The following NIBAN2 variants were observed in gnomAD, a reference collection of about 807,000 sequenced individuals.
NIBAN2 encodes the protein niban apoptosis regulator 2.
A neutral mutation model predicts 81.8 loss-of-function variants in NIBAN2; 36 were observed. The ratio of observed to expected loss-of-function variants is 0.44; its 90% CI spans 0.34 to 0.58. The LOEUF (loss-of-function observed/expected upper bound fraction) is 0.58. Among genes scored for constraint, NIBAN2 ranks in the 20% least tolerant of loss-of-function variants. The pLI, the probability that NIBAN2 is intolerant of heterozygous loss-of-function variation, is 0.02. For synonymous variants in NIBAN2, 445 were observed against 441.6 expected, an observed-to-expected ratio of 1.01 and a Z score of -0.10; for missense variants, 897 against 1,014.1, an observed-to-expected ratio of 0.88 and a Z score of 1.57.
rs780246456 is a variant in NIBAN2, at chr9:127,531,682, G to C, written c.152C>G (p.Thr51Arg). ...FNSMRHEIEGTGLPQAQLLWR... is the reference protein window; with the variant it reads ...FNSMRHEIEGRGLPQAQLLWR... The stretch of plus-strand genomic sequence containing the variant: ...GAGCAGCTGGGCCTGCGGCAGCCCC[G>C]TGCCCTCAATCTCATGGCGCATGCT... Residue 51 changes from threonine (T) to arginine (R), a missense_variant, in exon 2 of 14, where the codon ACG becomes AGG. By Grantham distance (71) the Thr-to-Arg change is moderately conservative (BLOSUM62 -1). Transcript: ENST00000373312. The C allele has an allele frequency of 6.2e-7, 1 of 1,613,652 alleles. No individual in the cohort carries two copies. The highest frequency in any genetic ancestry group is 8.5e-7 in the Non-Finnish European group (1 of 1,180,004).
intron 1 of NIBAN2, among the ~76,000 whole-genome samples, chr9:127,578,384 A>T (rs1366400105): frequency 2.0e-5 from 3 of 146,952 alleles, no homozygotes; most frequent in Non-Finnish European, 4.5e-5. Context: ...AAAAGTGGCC[A>T]GGCGCCATGG....
At chr9:127,533,598 C>T (rs1201113622) in intron 1 of NIBAN2, among the ~76,000 whole-genome samples, 1 of 152,238 alleles carries the variant, frequency 6.6e-6, no homozygotes, top group Non-Finnish European at 1.5e-5. Context: ...CGTGCAACTG[C>T]ACTCCAGCCT....
chr9:127,568,932 C>T lies in NIBAN2; in HGVS notation c.-58G>A. ...CGCCGCCGCTGTTGCCCGCGCTGCT[C>T]AGGCGGACGCCGCTGGCGCCATGGA... On this transcript the variant is annotated 5_prime_UTR_variant, in exon 1 of 14. It removes the in-frame stop codon of an upstream open reading frame in the 5' UTR. Transcript: ENST00000373312. The T allele has an allele frequency of 8.2e-7, 1 of 1,212,150 alleles. No individual in the cohort carries two copies. Among genetic ancestry groups the T allele is most frequent in the Non-Finnish European group, 1.0e-6 (1 of 976,636 alleles). The allele number at this position is 1,212,150 out of a possible 1,614,324, so 75.1% of individuals were successfully genotyped here. A position where few individuals can be genotyped will look rare whatever the true frequency, so the allele number is the denominator to read the frequency against.
intron 1 of NIBAN2, among the ~76,000 whole-genome samples, chr9:127,548,826 G>A (rs1177249406): frequency 1.3e-5 from 2 of 152,132 alleles, no homozygotes; most frequent in African/African-American, 2.4e-5. Context: ...GAAAACAGAC[G>A]CTGGGGAAGT....
intron 8 of NIBAN2, among the ~76,000 whole-genome samples, chr9:127,512,932 G>A (rs746349299): frequency 2.4e-4 from 37 of 152,144 alleles, no homozygotes; most frequent in Non-Finnish European, 8.8e-5. Flanking sequence ...GTTTGTTGCG[G>A]CTCTGTTCAC....
At chr9:127,528,781 CCT>C (rs1837124825) in intron 2 of NIBAN2, among the ~76,000 whole-genome samples, 1 of 152,262 alleles carries the variant, frequency 6.6e-6, no homozygotes, top group Non-Finnish European at 1.5e-5. Flanking sequence ...AGCTCAAATC[CCT>C]GTCTTTTCTA....
chr9:127,561,633 T>C (rs1054490883), intron 1 of NIBAN2, among the ~76,000 whole-genome samples: 2 of 152,228 alleles, frequency 1.3e-5, no homozygotes, highest in Non-Finnish European at 2.9e-5. Flanking sequence ...GCTCCCTGCT[T>C]CTTCAGGCTT....
In NIBAN2 at chr9:127,556,456, G is replaced by GCATTCATT. The variant is rs34149772; in HGVS notation, c.55+12356_55+12363dup. The stretch of plus-strand genomic sequence containing the variant: ...TCCCAGGATGTAGGACCTTGCAATG[G>GCATTCATT]CATTCATTCATTCATTCATTCATTC... On this transcript the variant is annotated intron_variant, in intron 1 of 13. Transcript: ENST00000373312. Among the ~76,000 whole-genome samples, 40 of 151,318 alleles carry GCATTCATT rather than the reference G, an allele frequency of 2.6e-4. No individual in the cohort carries two copies. The South Asian group carries it at 5.0e-3, about 19-fold the overall frequency.
chr9:127,565,929 GTCTCTC>G (rs746193186), intron 1 of NIBAN2, among the ~76,000 whole-genome samples: 2 of 138,678 alleles, frequency 1.4e-5, no homozygotes, highest in African/African-American at 5.6e-5. Context: ...GGGAGACCCT[GTCTCTC>G]TCTCTCTCTC....
At chr9:127,529,115 A>G (rs12003719) in intron 2 of NIBAN2, among the ~76,000 whole-genome samples, 4,461 of 152,090 alleles carry the variant, frequency 0.029, 221 homozygotes, top group African/African-American at 0.1. Flanking sequence ...TCGACAGCCC[A>G]GGCAAAATAT....
At chr9:127,525,869 C>G (rs914608789) in intron 3 of NIBAN2, among the ~76,000 whole-genome samples, 1 of 152,248 alleles carries the variant, frequency 6.6e-6, no homozygotes, top group Non-Finnish European at 1.5e-5. Flanking sequence ...CACCAATTTC[C>G]TAGGTTCTGA....
At chr9:127,509,800 T>TCCTCTCCTTCC (rs1564294171) in intron 9 of NIBAN2, 11 of 32,872 alleles carry the variant, frequency 3.3e-4, no homozygotes, top group African/African-American at 1.1e-3. Context: ...CCTTCCCTCC[T>TCCTCTCCTTCC]CTCCTTCCCT....
At chr9:127,562,128 T>C (rs1313781547) in intron 1 of NIBAN2, among the ~76,000 whole-genome samples, 1 of 152,100 alleles carries the variant, frequency 6.6e-6, no homozygotes, top group Non-Finnish European at 1.5e-5. Flanking sequence ...ACGGGTGGGA[T>C]AGATTTGTGC....
At chr9:127,577,035 A>G (rs963430039) in intron 1 of NIBAN2, among the ~76,000 whole-genome samples, 3 of 151,880 alleles carry the variant, frequency 2.0e-5, no homozygotes, top group African/African-American at 7.3e-5. Context: ...AAAGTAACAG[A>G]TGAGGCCAGG....
chr9:127,518,310 G>A (rs2254868), intron 5 of NIBAN2, among the ~76,000 whole-genome samples: 107,585 of 152,016 alleles, frequency 0.71, 38,659 homozygotes, highest in Middle Eastern at 0.78. Flanking sequence ...GGGAGTGGCA[G>A]AGCCAGGACT....
chr9:127,519,432 G>A (rs953366299), intron 5 of NIBAN2, among the ~76,000 whole-genome samples: 4 of 152,298 alleles, frequency 2.6e-5, no homozygotes, highest in South Asian at 2.1e-4. Context: ...CCCTGGCCGC[G>A]TGCCTCTGAC....
intron 1 of NIBAN2, among the ~76,000 whole-genome samples, chr9:127,575,998 A>G (rs4269634): frequency 0.45 from 68,480 of 151,878 alleles, 15,935 homozygotes; most frequent in Middle Eastern, 0.56. Context: ...CTCCTCCTTC[A>G]TGGCAAGCAT....
intron 1 of NIBAN2, among the ~76,000 whole-genome samples, chr9:127,556,149 G>A (rs1018966616): frequency 6.6e-6 from 1 of 152,146 alleles, no homozygotes; most frequent in Non-Finnish European, 1.5e-5. Flanking sequence ...CCTCACCCTC[G>A]GGGCTCAAGG....
At chr9:127,532,930 G>A (rs1304390844) in intron 1 of NIBAN2, among the ~76,000 whole-genome samples, 1 of 152,106 alleles carries the variant, frequency 6.6e-6, no homozygotes, top group Non-Finnish European at 1.5e-5. Flanking sequence ...GGACAAGGTA[G>A]ACAGATCACC....
Sources: gnomAD v4.1 joint callset for allele counts (sites outside exome capture counted in the v4.1 genomes callset) on GRCh38, gnomAD v4.1.1 for gene constraint, MANE v1.5 for transcripts, NCBI Gene and HGNC (gene_info 2026-07-23, HGNC 2026-07-21) for gene names.